Variants in CCDC102B observed in about 807,000 individuals in gnomAD.
The protein encoded by CCDC102B is coiled-coil domain containing 102B.
Under a neutral mutation model 57.4 loss-of-function variants are expected in CCDC102B, and 75 were observed. The ratio of observed to expected loss-of-function variants is 1.31; its 90% confidence interval spans 1.08 to 1.58. CCDC102B has a LOEUF of 1.58. CCDC102B is among the 40% of genes most tolerant of loss of function. The probability of loss-of-function intolerance (pLI) is 0.00; values close to 1 mark genes in which losing one functional copy is unlikely to be tolerated. For synonymous variants in CCDC102B, 206 were observed against 201.9 expected (o/e 1.02, Z -0.17); for missense variants, 636 against 582.6 (o/e 1.09, Z -0.94).
At chr18:68,987,952 T>C (rs143551078) in intron 6 of CCDC102B, among the ~76,000 whole-genome samples, 1 of 152,178 alleles carries the variant, frequency 6.6e-6, no homozygotes, top group Non-Finnish European at 1.5e-5. Context: ...GGCAGGAATG[T>C]AAATTAGTTC....
At chr18:68,779,897 A>G (rs977569279) in intron 2 of CCDC102B, among the ~76,000 whole-genome samples, 1 of 152,098 alleles carries the variant, frequency 6.6e-6, no homozygotes, top group African/African-American at 2.4e-5. Flanking sequence ...GTACAGTTCA[A>G]TAGTTTTAGT....
intron 3 of CCDC102B, among the ~76,000 whole-genome samples, chr18:68,840,697 C>G (rs1477061285): frequency 6.6e-6 from 1 of 152,154 alleles, no homozygotes; most frequent in Non-Finnish European, 1.5e-5. Flanking sequence ...ATAGACTTCT[C>G]TCCAGCCCAC....
chr18:69,050,877 G>T (rs1222680612), intron 7 of CCDC102B, among the ~76,000 whole-genome samples: 1 of 152,116 alleles, frequency 6.6e-6, no homozygotes, highest in Non-Finnish European at 1.5e-5. Context: ...TAAAACAAAT[G>T]TTCCATTAAT....
intron 6 of CCDC102B, among the ~76,000 whole-genome samples, chr18:68,979,516 T>C (rs556350823): frequency 1.9e-4 from 27 of 142,492 alleles, no homozygotes; most frequent in African/African-American, 6.4e-4. Flanking sequence ...ACTCCTAAAG[T>C]AGAGTTAAAT....
chr18:68,805,180 C>T (rs2035989777), intron 1 of CCDC102B, among the ~76,000 whole-genome samples: 1 of 152,124 alleles, frequency 6.6e-6, no homozygotes, highest in Non-Finnish European at 1.5e-5. Context: ...AAAACCCCCG[C>T]AATCTCAACA....
upstream of CCDC102B, among the ~76,000 whole-genome samples, chr18:68,794,167 G>A (rs1440821855): frequency 6.6e-6 from 1 of 152,076 alleles, no homozygotes; most frequent in Non-Finnish European, 1.5e-5. Flanking sequence ...TCATGAGGTT[G>A]ATTAAAACTC....
chr18:68,759,533 A>G (rs1280378496), intron 2 of CCDC102B, among the ~76,000 whole-genome samples: 5 of 152,138 alleles, frequency 3.3e-5, no homozygotes, highest in African/African-American at 1.2e-4. Flanking sequence ...CTCAACAGAC[A>G]TATGGGGGGC....
intron 2 of CCDC102B, among the ~76,000 whole-genome samples, chr18:68,783,065 C>A (rs1056071200): frequency 2.6e-5 from 4 of 152,088 alleles, no homozygotes; most frequent in Non-Finnish European, 5.9e-5. Flanking sequence ...ACTTACTGGC[C>A]TCGTTTTGCA....
At chr18:69,008,362 T>C (rs1194744930) in intron 6 of CCDC102B, among the ~76,000 whole-genome samples, 1 of 152,128 alleles carries the variant, frequency 6.6e-6, no homozygotes, top group Non-Finnish European at 1.5e-5. Context: ...TGTGAAGCGA[T>C]TGAAGTGACA....
intron 6 of CCDC102B, among the ~76,000 whole-genome samples, chr18:69,010,616 CA>C (rs2051488328): frequency 6.6e-6 from 1 of 152,074 alleles, no homozygotes. Context: ...TTTTTGCATG[CA>C]TTTATATTAT....
At chr18:68,765,293 AAAGGAAGGAAGGAAGGAAGG>A (rs149557152) in intron 2 of CCDC102B, among the ~76,000 whole-genome samples, 1 of 104,112 alleles carries the variant, frequency 9.6e-6, no homozygotes, top group Non-Finnish European at 1.9e-5. Context: ...GAAAAGAAAG[AAAGGAAGGAAGGAAGGAAGG>A]AAGGAAGGAA....
intron 6 of CCDC102B, among the ~76,000 whole-genome samples, chr18:68,916,573 A>C (rs1314406565): frequency 1.3e-5 from 2 of 152,118 alleles, no homozygotes; most frequent in Non-Finnish European, 2.9e-5. Flanking sequence ...ATGAGGGAAA[A>C]CTAGAAGGAA....
At chr18:68,739,037 G>A (rs1369552283) in intron 2 of CCDC102B, among the ~76,000 whole-genome samples, 2 of 145,120 alleles carry the variant, frequency 1.4e-5, no homozygotes, top group Admixed American at 7.0e-5. Context: ...TGTCACCCAG[G>A]CTGGAGTAGT....
At chr18:68,775,887 C>T (rs1175120393) in intron 2 of CCDC102B, among the ~76,000 whole-genome samples, 6 of 151,992 alleles carry the variant, frequency 3.9e-5, no homozygotes, top group African/African-American at 2.4e-5. Context: ...CTCCTGACCT[C>T]GTGATCTGCC....
At chr18:68,975,385 T>C (rs2050407645) in intron 6 of CCDC102B, among the ~76,000 whole-genome samples, 1 of 152,066 alleles carries the variant, frequency 6.6e-6, no homozygotes, top group South Asian at 2.1e-4. Context: ...TTATTATATA[T>C]GTGAACTTTC....
At chr18:68,868,122 A>C (rs2039084466) in intron 4 of CCDC102B, among the ~76,000 whole-genome samples, 1 of 152,062 alleles carries the variant, frequency 6.6e-6, no homozygotes, top group Admixed American at 6.5e-5. Flanking sequence ...TCCATATACC[A>C]TTTTTTTCTA....
intron 6 of CCDC102B, among the ~76,000 whole-genome samples, chr18:68,946,999 G>T (rs1454851623): frequency 6.6e-6 from 1 of 151,938 alleles, no homozygotes; most frequent in Non-Finnish European, 1.5e-5. Context: ...GGGAAATGGA[G>T]ATTTTCACAT....
rs532395614 is a variant in CCDC102B, at chr18:68,912,531, A to G, written c.1263+15103A>G. Among the ~76,000 whole-genome samples, 39 of 152,366 alleles carry G rather than the reference A, an allele frequency of 2.6e-4. 2 individuals carry two copies. In the South Asian group the frequency reaches 7.9e-3, roughly 31 times the overall value. ...CAAGTCACAAGTTGTGTCAGCACAA[A>G]CTAAAACTTAGAATCTAGCCTTTAT... is the stretch of plus-strand genomic sequence containing the variant. On this transcript the variant is annotated intron_variant, in intron 6 of 7. Coordinates refer to ENST00000360242, the MANE Select transcript of CCDC102B (RefSeq NM_024781.3).
intron 6 of CCDC102B, among the ~76,000 whole-genome samples, chr18:68,930,146 C>T (rs996921024): frequency 4.6e-5 from 7 of 150,602 alleles, no homozygotes; most frequent in African/African-American, 1.7e-4. Context: ...GGCCCAGATA[C>T]TTGGATTTAC....
Sources: allele counts gnomAD v4.1 joint callset (sites outside exome capture counted in the v4.1 genomes callset), GRCh38; gene constraint gnomAD v4.1.1; transcripts MANE v1.5; gene names NCBI Gene and HGNC (gene_info 2026-07-23, HGNC 2026-07-21).